Variants in QTGAL observed in about 807,000 individuals in gnomAD.
QTGAL encodes queuosine-tRNA galactosyltransferase.
chr17:82,969,038 G>C, the QTGAL span, among the ~76,000 whole-genome samples: 8 of 151,830 alleles, frequency 5.3e-5, no homozygotes, highest in African/African-American at 1.9e-4. Context: ...GGAGGCTGAG[G>C]CAGGAGAATC....
the QTGAL span, among the ~76,000 whole-genome samples, chr17:82,973,558 C>T: frequency 6.6e-6 from 1 of 152,126 alleles, no homozygotes; most frequent in Non-Finnish European, 1.5e-5. Context: ...TCACCTGGCA[C>T]CTGGTCCTTG....
At chr17:82,951,123 C>T in the QTGAL span, among the ~76,000 whole-genome samples, 42 of 152,314 alleles carry the variant, frequency 2.8e-4, no homozygotes, top group Admixed American at 2.4e-3. Context: ...TTTAAAGTCA[C>T]GGCAAAGAGT....
At chr17:83,038,379 T>G in the QTGAL span, among the ~76,000 whole-genome samples, 1 of 152,168 alleles carries the variant, frequency 6.6e-6, no homozygotes, top group Non-Finnish European at 1.5e-5. Flanking sequence ...ATTGGCAGAA[T>G]TCATACAAAT....
At chr17:83,035,182 CTTTTT>C in the QTGAL span, 2 of 938,334 alleles carry the variant, frequency 2.1e-6, no homozygotes, top group East Asian at 3.4e-5. Context: ...ATATGATATT[CTTTTT>C]TTTTTTTTCG....
the QTGAL span, among the ~76,000 whole-genome samples, chr17:83,039,287 G>A: frequency 1.2e-4 from 13 of 105,072 alleles, 1 homozygote; most frequent in African/African-American, 3.8e-4. Flanking sequence ...ACTGCTGGGC[G>A]CCCGCCGCCC....
the QTGAL span, among the ~76,000 whole-genome samples, chr17:83,043,014 G>C: frequency 6.6e-6 from 1 of 152,210 alleles, no homozygotes; most frequent in African/African-American, 2.4e-5. Context: ...TCTAACAAGA[G>C]GGTCACAAAA....
At chr17:82,967,207 G>A in the QTGAL span, among the ~76,000 whole-genome samples, 3 of 152,110 alleles carry the variant, frequency 2.0e-5, no homozygotes, top group Non-Finnish European at 4.4e-5. Context: ...TATCATTTTG[G>A]GGGGACACCA....
At chr17:83,003,211 C>T in the QTGAL span, among the ~76,000 whole-genome samples, 1 of 53,772 alleles carries the variant, frequency 1.9e-5, no homozygotes. Flanking sequence ...TTCCTGAGCC[C>T]GCCCTCCCAC....
chr17:82,972,448 C>G, the QTGAL span, among the ~76,000 whole-genome samples: 6 of 124,040 alleles, frequency 4.8e-5, no homozygotes, highest in Admixed American at 5.0e-4. Context: ...GCTAGAAGGA[C>G]CTGGTGCTGA....
chr17:82,990,155 T>C, the QTGAL span, among the ~76,000 whole-genome samples: 1 of 152,394 alleles, frequency 6.6e-6, no homozygotes, highest in Non-Finnish European at 1.5e-5. Flanking sequence ...GGTACGTGGA[T>C]ATGCATTCTG....
the QTGAL span, among the ~76,000 whole-genome samples, chr17:83,022,270 T>C: frequency 3.3e-5 from 5 of 149,268 alleles, no homozygotes; most frequent in African/African-American, 1.2e-4. Context: ...CACATGAGCT[T>C]AGCACTGTCC....
At chr17:83,016,998 T>C in the QTGAL span, among the ~76,000 whole-genome samples, 2 of 152,208 alleles carry the variant, frequency 1.3e-5, no homozygotes, top group Admixed American at 1.3e-4. Flanking sequence ...GAAAGTCTCT[T>C]GCACCTTCTA....
At chr17:83,044,223 T>C in the QTGAL span, among the ~76,000 whole-genome samples, 1 of 152,202 alleles carries the variant, frequency 6.6e-6, no homozygotes, top group Non-Finnish European at 1.5e-5. Context: ...AATATATATA[T>C]GCAAAAATCT....
the QTGAL span, chr17:83,005,194 ACT>A: frequency 6.2e-7 from 1 of 1,608,082 alleles, no homozygotes; most frequent in Non-Finnish European, 8.5e-7. The surrounding 1 kb of genome is among the most constrained non-coding windows in gnomAD (Gnocchi z 5.6). Flanking sequence ...ATCTCTCCTC[ACT>A]CTGCAACCAA....
chr17:83,037,776 C>T, the QTGAL span, among the ~76,000 whole-genome samples: 350 of 152,296 alleles, frequency 2.3e-3, 2 homozygotes, highest in African/African-American at 7.9e-3. The surrounding 1 kb of genome is among the most constrained non-coding windows in gnomAD (Gnocchi z 5.2). Context: ...GCCTGGGTAA[C>T]GAAGGAAGAC....
chr17:82,972,788 A>T, the QTGAL span, among the ~76,000 whole-genome samples: 12 of 147,008 alleles, frequency 8.2e-5, no homozygotes, highest in African/African-American at 2.1e-4. Flanking sequence ...AGGGGCTAGA[A>T]GGACCTGGTG....
chr17:83,034,951 GAAC>G, the QTGAL span: 4 of 1,156,434 alleles, frequency 3.5e-6, no homozygotes, highest in African/African-American at 1.6e-5. Context: ...TGATTTTCAA[GAAC>G]CGCACTAAAA....
chr17:83,024,852 G>T, the QTGAL span, among the ~76,000 whole-genome samples: 1 of 152,246 alleles, frequency 6.6e-6, no homozygotes. Context: ...CTGCTCAGGG[G>T]TGCAAAGCGC....
At chr17:82,966,628 G>C in the QTGAL span, among the ~76,000 whole-genome samples, 1 of 152,102 alleles carries the variant, frequency 6.6e-6, no homozygotes, top group Non-Finnish European at 1.5e-5. Flanking sequence ...TGGAACCACT[G>C]GTGTCCTTAC....
Sources: gnomAD v4.1 joint callset for allele counts (sites outside exome capture counted in the v4.1 genomes callset) on GRCh38, gnomAD v4.1.1 for gene constraint, Gnocchi (gnomAD v3.1) non-coding constraint, MANE v1.5 for transcripts, NCBI Gene and HGNC (gene_info 2026-07-23, HGNC 2026-07-21) for gene names.